The following SH3BGRL2 variants were observed in gnomAD, a reference collection of about 807,000 sequenced individuals.
SH3BGRL2 encodes SH3 domain binding glutamate rich protein like 2.
A neutral mutation model predicts 14.8 loss-of-function variants in SH3BGRL2; 21 were observed. The observed-to-expected ratio is 1.42, with a 90% CI of 1.01 to 2.05. SH3BGRL2 has a LOEUF of 2.05. Ranked by LOEUF, SH3BGRL2 falls within the 30% of genes most tolerant of loss-of-function variation. SH3BGRL2 has a pLI of 0.00. For synonymous variants in SH3BGRL2, 50 were observed against 47.8 expected (o/e 1.05, Z -0.19); for missense variants, 147 against 130.8 (o/e 1.12, Z -0.61).
the SH3BGRL2 span, among the ~76,000 whole-genome samples, chr6:79,586,235 C>CTTTTTTTTT: frequency 2.0e-4 from 11 of 54,960 alleles, no homozygotes; most frequent in East Asian, 7.4e-4. Context: ...GTATGGACTT[C>CTTTTTTTTT]TTTTTTTTTT....
the SH3BGRL2 span, among the ~76,000 whole-genome samples, chr6:79,542,690 G>A: frequency 1.7e-4 from 26 of 152,350 alleles, no homozygotes; most frequent in Admixed American, 3.9e-4. Flanking sequence ...AGGTTGGAAG[G>A]TGGGAGTTAG....
chr6:79,640,747 C>T (rs944395148), intron 1 of SH3BGRL2, among the ~76,000 whole-genome samples: 7 of 151,884 alleles, frequency 4.6e-5, no homozygotes, highest in East Asian at 1.9e-4. Flanking sequence ...AGACAGGGAA[C>T]GTTGGGTGCG....
chr6:79,624,031 G>A, the SH3BGRL2 span, among the ~76,000 whole-genome samples: 2 of 151,958 alleles, frequency 1.3e-5, no homozygotes, highest in Non-Finnish European at 2.9e-5. Context: ...AATCAAAATA[G>A]TTTCTGAATT....
At chr6:79,588,215 C>T in the SH3BGRL2 span, among the ~76,000 whole-genome samples, 1 of 151,468 alleles carries the variant, frequency 6.6e-6, no homozygotes, top group African/African-American at 2.4e-5. Flanking sequence ...ATCACTTCAA[C>T]CCAGGAGGCA....
intron 2 of SH3BGRL2, among the ~76,000 whole-genome samples, chr6:79,686,090 A>G (rs1217094836): frequency 6.6e-6 from 1 of 152,150 alleles, no homozygotes; most frequent in Non-Finnish European, 1.5e-5. Context: ...TCCATTTTCC[A>G]TATTCTTTGT....
At chr6:79,612,625 AT>A in the SH3BGRL2 span, among the ~76,000 whole-genome samples, 1 of 152,202 alleles carries the variant, frequency 6.6e-6, no homozygotes, top group African/African-American at 2.4e-5. Context: ...AATCATTTTG[AT>A]TTGACTTTGA....
the SH3BGRL2 span, among the ~76,000 whole-genome samples, chr6:79,552,534 A>G: frequency 6.6e-6 from 1 of 152,116 alleles, no homozygotes; most frequent in Non-Finnish European, 1.5e-5. Flanking sequence ...AACTGGTTAC[A>G]TTTGAGTTAC....
At position 79,700,249 on chromosome 6, in the gene SH3BGRL2, G is replaced by A. The variant is rs187541687; in HGVS notation, c.*740G>A. 3 of 152,134 alleles carry A rather than the reference G, an allele frequency of 2.0e-5. No homozygotes were observed. Among genetic ancestry groups the A allele is most frequent in the African/African-American group, 7.2e-5 (3 of 41,442 alleles). The allele number at this position is 152,134 out of a possible 1,614,324, so 9.4% of individuals were successfully genotyped here. A position where few individuals can be genotyped will look rare whatever the true frequency, so the allele number is the denominator to read the frequency against. The stretch of plus-strand genomic sequence containing the variant: ...TTCACCCAAATGCCTGAGACTGCTT[G>A]AAAGATATATTTTAAGTGGTGCACT... On this transcript the variant is annotated 3_prime_UTR_variant, in exon 4 of 4. Coordinates refer to ENST00000369838, the MANE Select transcript of SH3BGRL2 (RefSeq NM_031469.4).
the SH3BGRL2 span, among the ~76,000 whole-genome samples, chr6:79,597,304 G>T: frequency 7.2e-6 from 1 of 139,648 alleles, no homozygotes; most frequent in Non-Finnish European, 1.5e-5. Context: ...GAAAGAGAGA[G>T]AAAAGAAAGA....
chr6:79,550,153 C>T, the SH3BGRL2 span, among the ~76,000 whole-genome samples: 2 of 152,018 alleles, frequency 1.3e-5, no homozygotes, highest in African/African-American at 4.8e-5. Context: ...AACAAAATGT[C>T]ATGACCGTGG....
the SH3BGRL2 span, among the ~76,000 whole-genome samples, chr6:79,621,679 A>G: frequency 5.9e-5 from 9 of 152,168 alleles, no homozygotes. Flanking sequence ...CTTTCTTGCT[A>G]GCAGAACCCC....
chr6:79,659,788 A>G (rs1769503532), intron 1 of SH3BGRL2, among the ~76,000 whole-genome samples: 1 of 151,862 alleles, frequency 6.6e-6, no homozygotes, highest in South Asian at 2.1e-4. Context: ...ATGTTTTTTC[A>G]TTTGTTTCTG....
At chr6:79,669,274 C>G (rs1292757179) in intron 1 of SH3BGRL2, among the ~76,000 whole-genome samples, 1 of 151,980 alleles carries the variant, frequency 6.6e-6, no homozygotes, top group Non-Finnish European at 1.5e-5. Context: ...TTAGAGAGGG[C>G]TCTTTGAAGA....
At chr6:79,581,692 G>A in the SH3BGRL2 span, among the ~76,000 whole-genome samples, 4 of 152,148 alleles carry the variant, frequency 2.6e-5, no homozygotes, top group Non-Finnish European at 5.9e-5. Context: ...CATACTGAAT[G>A]GGCAAAAACT....
chr6:79,628,765 T>C (rs542185816), upstream of SH3BGRL2, among the ~76,000 whole-genome samples: 5 of 152,294 alleles, frequency 3.3e-5, no homozygotes, highest in East Asian at 9.7e-4. Context: ...AAATAGAGGA[T>C]TCTTCTTGAA....
At chr6:79,687,315 T>G (rs1356866668) in intron 2 of SH3BGRL2, among the ~76,000 whole-genome samples, 2 of 152,132 alleles carry the variant, frequency 1.3e-5, no homozygotes, top group East Asian at 3.8e-4. Context: ...TTCTTAAAAT[T>G]TTATGGCTGG....
At chr6:79,615,126 C>T in the SH3BGRL2 span, among the ~76,000 whole-genome samples, 3 of 152,266 alleles carry the variant, frequency 2.0e-5, no homozygotes, top group East Asian at 5.8e-4. Context: ...GACACCAGCA[C>T]TCACACAGTC....
chr6:79,537,749 C>G, the SH3BGRL2 span, among the ~76,000 whole-genome samples: 1 of 152,112 alleles, frequency 6.6e-6, no homozygotes, highest in Non-Finnish European at 1.5e-5. Flanking sequence ...TTGGCGACTG[C>G]GTAATGTAAA....
the SH3BGRL2 span, among the ~76,000 whole-genome samples, chr6:79,543,262 C>CT: frequency 1.4e-3 from 210 of 152,118 alleles, no homozygotes; most frequent in Admixed American, 2.4e-3. Flanking sequence ...GATATTTCAC[C>CT]TTTTTTTGTA....
Sources: allele counts gnomAD v4.1 joint callset (sites outside exome capture counted in the v4.1 genomes callset), GRCh38; gene constraint gnomAD v4.1.1; transcripts MANE v1.5; gene names NCBI Gene and HGNC (gene_info 2026-07-23, HGNC 2026-07-21).